MRO: variants seen among roughly 807,000 people sequenced by gnomAD.
The protein encoded by MRO is protein maestro.
In MRO, 28 loss-of-function variants were observed where a neutral mutation model predicts 31.0. That is an observed-to-expected ratio of 0.90 (90% confidence interval 0.67 to 1.24). The LOEUF is 1.24. Among genes scored for constraint, MRO ranks in the 50% most tolerant of loss-of-function variants. The pLI, the probability that MRO is intolerant of heterozygous loss-of-function variation, is 0.00. For synonymous variants in MRO, 108 were observed against 108.4 expected (o/e 1.00, Z 0.02); for missense variants, 332 against 289.2 (o/e 1.15, Z -1.07).
upstream of MRO, among the ~76,000 whole-genome samples, chr18:50,820,408 A>G (rs772047443): frequency 9.9e-5 from 15 of 152,204 alleles, no homozygotes; most frequent in Non-Finnish European, 2.2e-4. Context: ...CTCTCTCATC[A>G]GCCCTCCTTC....
intron 5 of MRO, 75 bp from the exon 6 acceptor site, chr18:50,801,579 G>T: frequency 7.2e-7 from 1 of 1,397,232 alleles, no homozygotes; most frequent in Non-Finnish European, 9.8e-7. Context: ...ACACATCACA[G>T]CCATCGGTCA....
chr18:50,810,889 G>A (rs188338749), intron 2 of MRO, among the ~76,000 whole-genome samples: 9 of 152,208 alleles, frequency 5.9e-5, no homozygotes, highest in East Asian at 5.8e-4. Context: ...GGGTACATGC[G>A]CACAACGTGC....
chr18:50,802,027 T>C (rs17663253), intron 5 of MRO, among the ~76,000 whole-genome samples: 27,304 of 152,234 alleles, frequency 0.18, 3,159 homozygotes, highest in Admixed American at 0.29. Flanking sequence ...TTTTACATAA[T>C]GGAAGCACAT....
At chr18:50,809,108 G>A (rs566148473) in intron 3 of MRO, among the ~76,000 whole-genome samples, 194 bp downstream of exon 3, 206 of 134,198 alleles carry the variant, frequency 1.5e-3, no homozygotes, top group East Asian at 9.2e-3. Flanking sequence ...ACTGCAGTCC[G>A]CAGTCCAGCC....
chr18:50,800,269 C>T (rs771888193), intron 6 of MRO, 126 bp from the exon 7 acceptor site: 15 of 623,140 alleles, frequency 2.4e-5, no homozygotes, highest in Admixed American at 9.1e-5. Flanking sequence ...AAGTAACTTC[C>T]AGGTAGTTTC....
Position 50,799,308 on chromosome 18 carries a change from T to C in MRO, c.*29A>G, listed in dbSNP as rs1913052759. ...ACATGATGGCTCAGCAATGCACTCA[T>C]ACAGAACCATTTCCCTGCTGCTCTG... On this transcript the variant is annotated 3_prime_UTR_variant, in exon 8 of 8. Coordinates refer to ENST00000398439, the MANE Select transcript of MRO (RefSeq NM_031939.6). 1 of 1,598,744 alleles carries C rather than the reference T, an allele frequency of 6.3e-7. No homozygotes were observed. The highest frequency in any genetic ancestry group is 8.6e-7 in the Non-Finnish European group (1 of 1,165,974).
intron 2 of MRO, chr18:50,814,828 G>A (rs1157599869): frequency 1.3e-5 from 2 of 153,034 alleles, no homozygotes; most frequent in Non-Finnish European, 2.9e-5. Context: ...GGGAGGCTGA[G>A]GTGGGCAGAT....
chr18:50,815,733 TA>T, intron 2 of MRO: 1 of 456,066 alleles, frequency 2.2e-6, no homozygotes, highest in Non-Finnish European at 4.4e-6. Flanking sequence ...CAGAAGGTTC[TA>T]AAAACAGCAG....
chr18:50,795,251 A>G lies in MRO; in HGVS notation c.*4086T>C, dbSNP rs1042972084. ...AAACACATACTATTGAGAGTAAACA[A>G]TGACCGTCCCAGGCTTTCCAAAGCA... is the stretch of plus-strand genomic sequence containing the variant. On this transcript the variant is annotated 3_prime_UTR_variant, in exon 8 of 8. Coordinates refer to ENST00000398439, the MANE Select transcript of MRO (RefSeq NM_031939.6). 1 of 152,214 alleles carries G rather than the reference A, an allele frequency of 6.6e-6. No individual in the cohort carries two copies. Among genetic ancestry groups the G allele is most frequent in the South Asian group, 2.1e-4 (1 of 4,828 alleles). The allele number at this position is 152,214 out of a possible 1,614,324, so 9.4% of individuals were successfully genotyped here.
chr18:50,813,812 G>A (rs1914662595), intron 2 of MRO, among the ~76,000 whole-genome samples: 1 of 152,082 alleles, frequency 6.6e-6, no homozygotes, highest in African/African-American at 2.4e-5. Flanking sequence ...ACACAAAGAA[G>A]GCCACAGACA....
upstream of MRO, among the ~76,000 whole-genome samples, chr18:50,824,988 C>G (rs113780164): frequency 6.7e-6 from 1 of 150,194 alleles, no homozygotes; most frequent in Non-Finnish European, 1.5e-5. Context: ...GGCAGGAGAA[C>G]CACCTGGGAG....
intron 3 of MRO, among the ~76,000 whole-genome samples, chr18:50,809,031 G>C (rs941444428): frequency 1.3e-5 from 2 of 150,638 alleles, no homozygotes; most frequent in Non-Finnish European, 3.0e-5. Flanking sequence ...CCAGCTACTC[G>C]GGAGGCTGAG....
At position 50,819,665 on chromosome 18, in the gene MRO, A is replaced by G; in HGVS notation, c.-89T>C. The G allele has an allele frequency of 6.4e-7, 1 of 1,551,402 alleles. No homozygotes were observed. Among genetic ancestry groups the G allele is most frequent in the East Asian group, 2.4e-5 (1 of 40,914 alleles). On this transcript the variant is annotated 5_prime_UTR_variant, in exon 2 of 8. Coordinates refer to ENST00000398439, the MANE Select transcript of MRO (RefSeq NM_031939.6). ...GGCTGCTTTCCCGGGTAGTAGCCAAATGTGATGACTCGGCTAAATTTTCCC... is the reference window on the plus strand; with the variant it reads ...GGCTGCTTTCCCGGGTAGTAGCCAAGTGTGATGACTCGGCTAAATTTTCCC...
upstream of MRO, among the ~76,000 whole-genome samples, chr18:50,824,661 G>A (rs1915441860): frequency 6.7e-6 from 1 of 149,904 alleles, no homozygotes; most frequent in African/African-American, 2.5e-5. Flanking sequence ...TCACCATGTT[G>A]GTCAGGCTGG....
chr18:50,821,737 C>T (rs1486676346), upstream of MRO, among the ~76,000 whole-genome samples: 3 of 152,168 alleles, frequency 2.0e-5, no homozygotes, highest in African/African-American at 7.2e-5. Flanking sequence ...AGTATCTTCT[C>T]TACTGTTAAA....
intron 2 of MRO, among the ~76,000 whole-genome samples, chr18:50,812,857 T>C (rs1207122683): frequency 6.6e-6 from 1 of 152,156 alleles, no homozygotes; most frequent in African/African-American, 2.4e-5. Context: ...AAGTCTGCCA[T>C]TATCTCTGGA....
At chr18:50,806,950 C>A in intron 3 of MRO, 100 bp from the exon 4 acceptor site, 1 of 1,199,562 alleles carries the variant, frequency 8.3e-7, no homozygotes, top group South Asian at 1.4e-5. Flanking sequence ...TGATTGCCTG[C>A]TCAATTTTAC....
Position 50,797,115 on chromosome 18 carries a change from A to G in MRO, c.*2222T>C, listed in dbSNP as rs1253476985. ...TTGATTCTTTGTTCATGCTTCTGCA[A>G]CTGACACAGGCTTGATGGAGACGCT... On this transcript the variant is annotated 3_prime_UTR_variant, in exon 8 of 8. Coordinates refer to ENST00000398439, the MANE Select transcript of MRO (RefSeq NM_031939.6). 6.6e-6 allele frequency: 1 copy of G among 152,228 alleles called. No homozygotes were observed. The highest frequency in any genetic ancestry group is 6.5e-5 in the Admixed American group (1 of 15,284). 9.4% of individuals were successfully genotyped at this position (152,228 alleles called of 1,614,324 possible). A position where few individuals can be genotyped will look rare whatever the true frequency, so the allele number is the denominator to read the frequency against.
rs1913799828 is a variant in MRO, at chr18:50,805,223, CT to C, written c.359del (p.Lys120ArgfsTer12). 1 of 1,614,104 alleles carries C rather than the reference CT, an allele frequency of 6.2e-7. No homozygotes were observed. The highest frequency in any genetic ancestry group is 8.5e-7 in the Non-Finnish European group (1 of 1,179,950). On this transcript the variant is annotated frameshift_variant, in exon 5 of 8. Transcript: ENST00000398439. LOFTEE classifies it high-confidence loss of function. ...AGGAACCCAAACCTTTCCCCTGGAT[CT>C]TGCCCAGAACGACGGTCAGAGTCTT... ...SMKTLTVVLGKIQGKGLGSFF... is the reference protein window; with the variant it reads ...SMKTLTVVLGXIQGKGLGSFF...
Sources: gnomAD v4.1 joint callset for allele counts (sites outside exome capture counted in the v4.1 genomes callset) on GRCh38, gnomAD v4.1.1 for gene constraint, MANE v1.5 for transcripts, NCBI Gene and HGNC (gene_info 2026-07-23, HGNC 2026-07-21) for gene names.